Variants in AHCYL2 observed in about 807,000 individuals in gnomAD.
AHCYL2 encodes the protein adenosylhomocysteinase like 2.
A neutral mutation model predicts 81.4 loss-of-function variants in AHCYL2; 28 were observed. The ratio of observed to expected loss-of-function variants is 0.34; its 90% confidence interval spans 0.25 to 0.47. AHCYL2 has a LOEUF of 0.47. AHCYL2 is among the 20% of genes least tolerant of loss of function. AHCYL2 has a pLI of 1.00. For synonymous variants in AHCYL2, 272 were observed against 290.2 expected, an observed-to-expected ratio of 0.94 and a Z score of 0.64; for missense variants, 551 against 785.1, an observed-to-expected ratio of 0.70 and a Z score of 3.56.
At chr7:129,380,216 C>T (rs1002992416) in intron 2 of AHCYL2, among the ~76,000 whole-genome samples, 80 of 152,186 alleles carry the variant, frequency 5.3e-4, no homozygotes, top group Non-Finnish European at 1.3e-4. Flanking sequence ...TGCCTTCTCT[C>T]CTAAGCTGTG....
rs889430838 is a variant in AHCYL2 at position 129,225,277 on chromosome 7, G to T, written c.201G>T (p.Ser67=). 3 of 1,452,796 alleles carry T rather than the reference G, an allele frequency of 2.1e-6. No homozygotes were observed. The highest frequency in any genetic ancestry group is 5.3e-5 in the Admixed American group (2 of 37,712). The allele number at this position is 1,452,796 out of a possible 1,614,324, so 90.0% of individuals were successfully genotyped here. The change falls in exon 1 of 17, where the codon TCG becomes TCT. Residue 67 remains serine (S), a synonymous_variant. Transcript: ENST00000325006. ...GGCCCCCGGTCCCCGGCCCGGGCTC[G>T]GGGCCCGCCGCCGCTCTCAGCCCCG... ...AERPPVPGPG[S]GPAAALSPAA...
In AHCYL2 at chr7:129,408,931, T is replaced by G. The variant is rs1011053916; in HGVS notation, c.1296-545T>G. On this transcript the variant is annotated intron_variant, in intron 10 of 16. Transcript: ENST00000325006. ...TCAAATAATATAAGAGTCTAAGAAGTTGGGCATGGTGGTGTATGCCAATAG... is the reference window on the plus strand; with the variant it reads ...TCAAATAATATAAGAGTCTAAGAAGGTGGGCATGGTGGTGTATGCCAATAG... Among the ~76,000 whole-genome samples the G allele has an allele frequency of 2.6e-5, 4 of 152,128 alleles. No individual in the cohort carries two copies. The East Asian group carries it at 7.7e-4, about 29-fold the overall frequency.
chr7:129,243,018 C>CTTTTTTTTTT (rs769701638), intron 1 of AHCYL2, among the ~76,000 whole-genome samples: 1 of 125,592 alleles, frequency 8.0e-6, no homozygotes, highest in Admixed American at 8.4e-5. Flanking sequence ...TATTGTTTCT[C>CTTTTTTTTTT]TTTTTTTTTT....
chr7:129,421,114 T>C (rs1797097076), intron 12 of AHCYL2, among the ~76,000 whole-genome samples: 1 of 152,110 alleles, frequency 6.6e-6, no homozygotes, highest in African/African-American at 2.4e-5. Context: ...TAGCTGGGCA[T>C]GATGGCAGGT....
rs1023952309 is a variant in AHCYL2 at position 129,368,364 on chromosome 7, G to A, written c.364-11274G>A. On this transcript the variant is annotated intron_variant, in intron 1 of 16. Transcript: ENST00000325006. This position sits in a 1 kb window ranked among gnomAD's most constrained non-coding sequence, Gnocchi z 4.4. ...GGAGGCTGCTGTGAAAAGGGATGCA[G>A]CTTCTGCTAGCCACTGTGAACTTCT... 3.8e-5 allele frequency: 57 copies of A among 1,509,142 alleles called. No individual in the cohort carries two copies. Among genetic ancestry groups the A allele is most frequent in the Middle Eastern group, 2.3e-4 (1 of 4,316 alleles). 93.5% of individuals were successfully genotyped at this position (1,509,142 alleles called of 1,614,324 possible). A position where few individuals can be genotyped will look rare whatever the true frequency, so the allele number is the denominator to read the frequency against.
At chr7:129,268,190 A>G (rs969137623) in intron 1 of AHCYL2, among the ~76,000 whole-genome samples, 19 of 152,186 alleles carry the variant, frequency 1.2e-4, no homozygotes, top group African/African-American at 3.6e-4. Context: ...TTAAGCCTCT[A>G]TGTTATCTTG....
At chr7:129,273,579 C>T (rs144075286) in intron 1 of AHCYL2, among the ~76,000 whole-genome samples, 3 of 146,788 alleles carry the variant, frequency 2.0e-5, no homozygotes, top group East Asian at 2.1e-4. Flanking sequence ...CCGCCCACCT[C>T]GGCCTCCCAA....
intron 12 of AHCYL2, among the ~76,000 whole-genome samples, chr7:129,415,575 C>T (rs1430028259): frequency 1.3e-5 from 2 of 151,510 alleles, no homozygotes; most frequent in Non-Finnish European, 2.9e-5. Flanking sequence ...GTAATCCCAG[C>T]ACTTTGGGAG....
chr7:129,336,191 C>T (rs528789533), intron 1 of AHCYL2, among the ~76,000 whole-genome samples: 6 of 151,884 alleles, frequency 4.0e-5, no homozygotes, highest in African/African-American at 1.4e-4. Flanking sequence ...CCTCAGCCTC[C>T]CAAGTAACTG....
At chr7:129,274,325 C>G (rs936533839) in intron 1 of AHCYL2, among the ~76,000 whole-genome samples, 1 of 152,196 alleles carries the variant, frequency 6.6e-6, no homozygotes, top group Admixed American at 6.5e-5. Flanking sequence ...GGAACTGCAT[C>G]TGAGGAGCCT....
At chr7:129,373,473 G>A (rs1184358133) in intron 1 of AHCYL2, among the ~76,000 whole-genome samples, 1 of 151,756 alleles carries the variant, frequency 6.6e-6, no homozygotes, top group Non-Finnish European at 1.5e-5. Flanking sequence ...GGTGGCATGC[G>A]CCTGTAGTCC....
rs1298949836 is a variant in AHCYL2, at chr7:129,393,412, A to G, written c.720+3678A>G. Reference sequence around the variant, plus strand: ...ACTCCAGCCTGGGTGACAGAGTGAGACCCTGTCTCAAAAATAAATAAAAAT... The same window carrying G: ...ACTCCAGCCTGGGTGACAGAGTGAGGCCCTGTCTCAAAAATAAATAAAAAT... On this transcript the variant is annotated intron_variant, in intron 4 of 16. Transcript: ENST00000325006. Among the ~76,000 whole-genome samples the G allele has an allele frequency of 3.9e-5, 6 of 152,304 alleles. No individual in the cohort carries two copies. The South Asian group carries it at 1.0e-3, about 26-fold the overall frequency.
chr7:129,383,172 A>AT (rs1268407765), intron 2 of AHCYL2, among the ~76,000 whole-genome samples: 90 of 148,762 alleles, frequency 6.0e-4, no homozygotes, highest in African/African-American at 1.7e-3. Flanking sequence ...ATTTTATTCT[A>AT]TTTTTTTTTA....
intron 1 of AHCYL2, among the ~76,000 whole-genome samples, chr7:129,348,019 C>T (rs1793422952): frequency 6.6e-6 from 1 of 152,128 alleles, no homozygotes; most frequent in African/African-American, 2.4e-5. Flanking sequence ...TACAAAATAG[C>T]ATATGTCTGG....
chr7:129,332,581 G>A (rs1798458168), intron 1 of AHCYL2, among the ~76,000 whole-genome samples: 1 of 152,210 alleles, frequency 6.6e-6, no homozygotes, highest in African/African-American at 2.4e-5. Flanking sequence ...ACCACACAGT[G>A]AGCAATTCCC....
At chr7:129,332,109 TATAAG>T (rs1798446081) in intron 1 of AHCYL2, among the ~76,000 whole-genome samples, 1 of 152,100 alleles carries the variant, frequency 6.6e-6, no homozygotes, top group Admixed American at 6.5e-5. Context: ...TAAAAAAAGT[TATAAG>T]ATGATATCAT....
chr7:129,354,095 T>A (rs771320073), intron 1 of AHCYL2, among the ~76,000 whole-genome samples: 2 of 152,080 alleles, frequency 1.3e-5, no homozygotes, highest in Non-Finnish European at 2.9e-5. Context: ...GATTGAGGAC[T>A]GAATGGAAGG....
intron 2 of AHCYL2, among the ~76,000 whole-genome samples, chr7:129,380,899 C>T (rs1794926055): frequency 6.6e-6 from 1 of 152,132 alleles, no homozygotes; most frequent in Admixed American, 6.5e-5. Flanking sequence ...CACCACCATG[C>T]CTGCCTAAAT....
intron 1 of AHCYL2, among the ~76,000 whole-genome samples, chr7:129,279,523 G>A (rs1053414675): frequency 2.6e-5 from 4 of 152,190 alleles, no homozygotes; most frequent in Middle Eastern, 3.2e-3. Flanking sequence ...TCCTAATCTA[G>A]ACCCCAAGAG....
Sources: gnomAD v4.1 joint callset for allele counts (sites outside exome capture counted in the v4.1 genomes callset) on GRCh38, gnomAD v4.1.1 for gene constraint, Gnocchi (gnomAD v3.1) non-coding constraint, MANE v1.5 for transcripts, NCBI Gene and HGNC (gene_info 2026-07-23, HGNC 2026-07-21) for gene names.